The following GDPGP1 variants were observed in gnomAD, a reference collection of about 807,000 sequenced individuals.
The protein encoded by GDPGP1 is GDP-D-glucose phosphorylase 1.
Under a neutral mutation model 19.2 loss-of-function variants are expected in GDPGP1, and 18 were observed. The ratio of observed to expected loss-of-function variants is 0.94; its 90% CI spans 0.65 to 1.39. GDPGP1 has a LOEUF of 1.39. Among genes scored for constraint, GDPGP1 ranks in the 40% most tolerant of loss-of-function variants. GDPGP1 has a pLI of 0.00. For synonymous variants in GDPGP1, 219 were observed against 208.9 expected (o/e 1.05, Z -0.42); for missense variants, 449 against 490.5 (o/e 0.92, Z 0.80).
At chr15:90,240,597 G>A (rs868550609) in intron 3 of GDPGP1, among the ~76,000 whole-genome samples, 9 of 152,194 alleles carry the variant, frequency 5.9e-5, no homozygotes, top group Non-Finnish European at 1.0e-4. Flanking sequence ...GGGATCACCC[G>A]ATGTCAGGAG....
chr15:90,241,484 T>C lies in GDPGP1; in HGVS notation c.576T>C (p.Ala192=), dbSNP rs1323755459. 1.2e-6 allele frequency: 2 copies of C among 1,613,688 alleles called. No homozygotes were observed. Among genetic ancestry groups the C allele is most frequent in the Admixed American group, 1.7e-5 (1 of 59,998 alleles). The change falls in exon 4 of 4, where the codon GCT becomes GCC. Residue 192 remains alanine, a synonymous_variant. Transcript: ENST00000329600. The part of the protein sequence containing the change: ...LPGALRAGIE[A]VLLSLHPGFR... ...GTGCACTGAGGGCAGGGATTGAGGC[T>C]GTGCTGCTGAGCTTACACCCGGGCT... is the stretch of plus-strand genomic sequence containing the variant.
intron 3 of GDPGP1, among the ~76,000 whole-genome samples, chr15:90,239,173 TA>T (rs1397646501): frequency 1.3e-5 from 2 of 152,172 alleles, no homozygotes; most frequent in Non-Finnish European, 2.9e-5. Context: ...AAGCTAAACA[TA>T]AATTGTGATT....
At position 90,241,847 on chromosome 15, in the gene GDPGP1, G is replaced by A. The variant is rs1343037422; in HGVS notation, c.939G>A (p.Leu313=). Residue 313 remains leucine (L), a synonymous_variant, in exon 4 of 4, where the codon CTG becomes CTA. Transcript: ENST00000329600. ...SSALTGVRVI[L]WARKSSFGIK... is the part of the protein sequence containing the mutation. ...CCCTCACAGGGGTCCGAGTAATTCT[G>A]TGGGCCCGGAAGTCCAGCTTTGGGA... 1 of 1,614,160 alleles carries A rather than the reference G, an allele frequency of 6.2e-7. No individual in the cohort carries two copies. Among genetic ancestry groups the A allele is most frequent in the Admixed American group, 1.7e-5 (1 of 60,014 alleles).
At position 90,243,023 on chromosome 15, in the gene GDPGP1, C is replaced by T. The variant is rs1962798152; in HGVS notation, c.*957C>T. The T allele has an allele frequency of 6.6e-6, 1 of 152,152 alleles. No individual in the cohort carries two copies. The highest frequency in any genetic ancestry group is 2.4e-5 in the African/African-American group (1 of 41,428). The allele number at this position is 152,152 out of a possible 1,614,324, so 9.4% of individuals were successfully genotyped here. On this transcript the variant is annotated 3_prime_UTR_variant, in exon 4 of 4. Transcript: ENST00000329600. ...CCTCTCCCCGTTCTTGTTCAAGCCC[C>T]AGGGGTGTTAAAAAGGAGTGTGTGT...
In GDPGP1 at chr15:90,243,782, T is replaced by C. The variant is rs1317163767; in HGVS notation, c.*1716T>C. 2 of 150,496 alleles carry C rather than the reference T, an allele frequency of 1.3e-5. No individual in the cohort carries two copies. The highest frequency in any genetic ancestry group is 3.9e-4 in the East Asian group (2 of 5,124). The allele number at this position is 150,496 out of a possible 1,614,324, so 9.3% of individuals were successfully genotyped here. A position where few individuals can be genotyped will look rare whatever the true frequency, so the allele number is the denominator to read the frequency against. The stretch of plus-strand genomic sequence containing the variant: ...CTCCCATCTCAGCCTCCCTAGTAGC[T>C]GGGACCACAGGCATGCGCCACCACA... On this transcript the variant is annotated 3_prime_UTR_variant, in exon 4 of 4. Coordinates refer to ENST00000329600, the MANE Select transcript of GDPGP1 (RefSeq NM_001013657.3).
At chr15:90,237,061 C>T (rs904872546) in intron 2 of GDPGP1, among the ~76,000 whole-genome samples, 8 of 151,532 alleles carry the variant, frequency 5.3e-5, no homozygotes, top group Non-Finnish European at 1.2e-4. Context: ...CAGATTCAAG[C>T]GATTCTCCTG....
At chr15:90,240,091 C>T (rs1411987177) in intron 3 of GDPGP1, among the ~76,000 whole-genome samples, 2 of 149,574 alleles carry the variant, frequency 1.3e-5, no homozygotes, top group African/African-American at 5.1e-5. Flanking sequence ...GCTGTGGTGG[C>T]ACATTCCTAT....
At position 90,241,196 on chromosome 15, in the gene GDPGP1, T is replaced by G; in HGVS notation, c.288T>G (p.Ala96=). 6.2e-7 allele frequency: 1 copy of G among 1,614,138 alleles called. No individual in the cohort carries two copies. The highest frequency in any genetic ancestry group is 8.5e-7 in the Non-Finnish European group (1 of 1,180,032). Residue 96 remains alanine, a synonymous_variant, in exon 4 of 4, where the codon GCT becomes GCG. Coordinates refer to ENST00000329600, the MANE Select transcript of GDPGP1 (RefSeq NM_001013657.3). ...TCCCTGGTGCTGTGGGTTTCGTGGC[T>G]CAGCTGAATGTGGAGCGTGGTGTGC... is the stretch of plus-strand genomic sequence containing the variant. ...QILPGAVGFV[A]QLNVERGVQR... is the part of the protein sequence containing the mutation.
In GDPGP1 at chr15:90,243,712, G is replaced by A. The variant is rs1387072820; in HGVS notation, c.*1646G>A. ...CACCCAGGCTGGAGTGCAGTGGTAT[G>A]AAGACAGCTAACTGCAAGCTTCAAC... On this transcript the variant is annotated 3_prime_UTR_variant, in exon 4 of 4. Transcript: ENST00000329600. 3 of 134,230 alleles carry A rather than the reference G, an allele frequency of 2.2e-5. No homozygotes were observed. Among genetic ancestry groups the A allele is most frequent in the Non-Finnish European group, 3.1e-5 (2 of 64,982 alleles). 8.3% of individuals were successfully genotyped at this position (134,230 alleles called of 1,614,324 possible).
At chr15:90,236,388 C>T (rs976104940) in intron 2 of GDPGP1, among the ~76,000 whole-genome samples, 2 of 152,172 alleles carry the variant, frequency 1.3e-5, no homozygotes, top group Non-Finnish European at 2.9e-5. Flanking sequence ...TGCCTGGTGA[C>T]CAGCTGTGAT....
intron 2 of GDPGP1, among the ~76,000 whole-genome samples, chr15:90,235,709 A>C (rs543833695): frequency 6.6e-6 from 1 of 151,774 alleles, no homozygotes; most frequent in Non-Finnish European, 1.5e-5. Context: ...CTGGGACTAC[A>C]GGCACCCGCC....
chr15:90,238,798 C>A (rs117113619), intron 3 of GDPGP1, among the ~76,000 whole-genome samples: 1 of 152,124 alleles, frequency 6.6e-6, no homozygotes, highest in South Asian at 2.1e-4. Flanking sequence ...ATCTTTGAAA[C>A]CCTGAGCACT....
rs763534073 is a variant in GDPGP1 at position 90,241,253 on chromosome 15, G to A, written c.345G>A (p.Val115=). ...GGCCCCCGCAGACCATCAAGAGTGT[G>A]AGGCAGGCATTTGACCCTGTACAGT... The part of the protein sequence containing the change: ...QRRPPQTIKS[V]RQAFDPVQFN... The change falls in exon 4 of 4, where the codon GTG becomes GTA. Residue 115 remains valine (V), a synonymous_variant. Coordinates refer to ENST00000329600, the MANE Select transcript of GDPGP1 (RefSeq NM_001013657.3). 6.2e-7 allele frequency: 1 copy of A among 1,614,196 alleles called. No individual in the cohort carries two copies. Among genetic ancestry groups the A allele is most frequent in the South Asian group, 1.1e-5 (1 of 91,090 alleles).
chr15:90,237,594 A>G (rs1351414509), intron 2 of GDPGP1, among the ~76,000 whole-genome samples: 1 of 152,006 alleles, frequency 6.6e-6, no homozygotes, highest in Non-Finnish European at 1.5e-5. Flanking sequence ...CCAGCCCCTC[A>G]TTGTGATTTT....
At chr15:90,240,813 CAAA>C in intron 3 of GDPGP1, 84 bp from the exon 4 acceptor site, 1 of 698,520 alleles carries the variant, frequency 1.4e-6, no homozygotes. Flanking sequence ...GACTCCATCT[CAAA>C]AAAAAAAATA....
At position 90,241,623 on chromosome 15, in the gene GDPGP1, G is replaced by A. The variant is rs746438201; in HGVS notation, c.715G>A (p.Asp239Asn). The A allele has an allele frequency of 1.2e-6, 2 of 1,613,976 alleles. No homozygotes were observed. Among genetic ancestry groups the A allele is most frequent in the Non-Finnish European group, 1.7e-6 (2 of 1,180,044 alleles). ...GGAGCAGGCGCCAAGCGAGCCCCTG[G>A]ACCCTGGAGGCCATTTGCATCTGCT... ...PVEQAPSEPL[D>N]PGGHLHLLQD... Residue 239 changes from aspartate to asparagine, a missense_variant, in exon 4 of 4, where the codon GAC becomes AAC. Physicochemically the swap from Asp to Asn is conservative, Grantham distance 23. Coordinates refer to ENST00000329600, the MANE Select transcript of GDPGP1 (RefSeq NM_001013657.3).
rs1322765445 is a variant in GDPGP1 at position 90,245,116 on chromosome 15, T to C, written c.*3050T>C. On this transcript the variant is annotated 3_prime_UTR_variant, in exon 4 of 4. Transcript: ENST00000329600. ...TCCAGTTTTCATTAGAGGTTTTACA[T>C]CCCAAATGATGTTACAAAGTCTCCC... 1 of 152,188 alleles carries C rather than the reference T, an allele frequency of 6.6e-6. No individual in the cohort carries two copies. The highest frequency in any genetic ancestry group is 1.9e-4 in the East Asian group (1 of 5,192). 9.4% of individuals were successfully genotyped at this position (152,188 alleles called of 1,614,324 possible).
Position 90,242,075 on chromosome 15 carries a change from G to A in GDPGP1, c.*9G>A, listed in dbSNP as rs1962775993. 6.3e-7 allele frequency: 1 copy of A among 1,587,016 alleles called. No homozygotes were observed. Among genetic ancestry groups the A allele is most frequent in the Non-Finnish European group, 8.6e-7 (1 of 1,166,204 alleles). On this transcript the variant is annotated 3_prime_UTR_variant, in exon 4 of 4. Transcript: ENST00000329600. ...CCCAGGAAGAGCAATAATACTTCTGGATGTATTTATGTTCTTTTTTTCTTT... is the reference window on the plus strand; with the variant it reads ...CCCAGGAAGAGCAATAATACTTCTGAATGTATTTATGTTCTTTTTTTCTTT...
At position 90,237,600 on chromosome 15, in the gene GDPGP1, AT is replaced by A. The variant is rs566365558; in HGVS notation, c.-66-888del. Among the ~76,000 whole-genome samples the A allele has an allele frequency of 2.9e-4, 44 of 152,038 alleles. No individual in the cohort carries two copies. In the East Asian group the frequency reaches 8.5e-3, roughly 29 times the overall value. On this transcript the variant is annotated intron_variant, in intron 2 of 3. Transcript: ENST00000329600. ...CCACCGCACCCAGCCCCTCATTGTGATTTTGATTTGCCTTTTCTTATTGATT... is the reference window on the plus strand; with the variant it reads ...CCACCGCACCCAGCCCCTCATTGTGATTTGATTTGCCTTTTCTTATTGATT...
Sources: gnomAD v4.1 joint callset for allele counts (sites outside exome capture counted in the v4.1 genomes callset) on GRCh38, gnomAD v4.1.1 for gene constraint, MANE v1.5 for transcripts, NCBI Gene and HGNC (gene_info 2026-07-23, HGNC 2026-07-21) for gene names.